Variants in PPIH observed in about 807,000 individuals in gnomAD.
The protein encoded by PPIH is peptidyl-prolyl cis-trans isomerase H.
In PPIH, 16 loss-of-function variants were observed where a neutral mutation model predicts 27.6. The ratio of observed to expected loss-of-function variants is 0.58; its 90% CI spans 0.39 to 0.88. The LOEUF (loss-of-function observed/expected upper bound fraction) is 0.88. Ranked by LOEUF, PPIH falls within the 40% of genes least tolerant of loss-of-function variation. The pLI is 0.00. For missense variants in PPIH, 155 were observed against 224.1 expected (o/e 0.69, Z 1.97); for synonymous variants, 63 against 76.1 (o/e 0.83, Z 0.90).
chr1:42,672,556 C>G (rs763841465), intron 9 of PPIH, among the ~76,000 whole-genome samples: 1 of 152,184 alleles, frequency 6.6e-6, no homozygotes, highest in African/African-American at 2.4e-5. Context: ...TTGATCAATT[C>G]TACCTCCCTA....
At chr1:42,674,355 G>T (rs1253817602) in intron 9 of PPIH, among the ~76,000 whole-genome samples, 2 of 152,256 alleles carry the variant, frequency 1.3e-5, no homozygotes, top group East Asian at 1.9e-4. Context: ...AGCAGGAAGT[G>T]TAGAGGAAGC....
At chr1:42,664,238 T>C (rs1374345614) in intron 5 of PPIH, among the ~76,000 whole-genome samples, 1 of 152,220 alleles carries the variant, frequency 6.6e-6, no homozygotes, top group Non-Finnish European at 1.5e-5. Context: ...TTGTGTTCTC[T>C]CTCTGTTCTC....
At chr1:42,677,417 A>G (rs972875401), downstream of PPIH, among the ~76,000 whole-genome samples, 2 of 152,226 alleles carry the variant, frequency 1.3e-5, no homozygotes, top group African/African-American at 4.8e-5. Flanking sequence ...GGTTGCAGTG[A>G]GCCGAGATCG....
chr1:42,658,477 C>T lies in PPIH; in HGVS notation c.31C>T (p.Pro11Ser). Residue 11 changes from proline (P) to serine (S), a missense_variant, in exon 1 of 10, where the codon CCC (proline) becomes TCC (serine). Around this residue, in one of 2 missense-constraint regions of PPIH, gnomAD observed 59 missense variants for 48.8 expected, o/e 1.21. Transcript: ENST00000304979. ...GGTGGCAAATTCAAGTCCTGTTAAC[C>T]CCGTGGTGTTCTTTGATGTCAGTAT... The part of the protein sequence containing the change: MAVANSSPVN[P>S]VVFFDVSIGG... 1 of 1,614,190 alleles carries T rather than the reference C, an allele frequency of 6.2e-7. No individual in the cohort carries two copies. Among genetic ancestry groups the T allele is most frequent in the South Asian group, 1.1e-5 (1 of 91,086 alleles).
In PPIH at chr1:42,667,245, T is replaced by C; in HGVS notation, c.466-106T>C. ...TGTCTGCCAGGACATGGACTGTTTCTGAGTGCTGAGTCCTTAGCACAGGGC... is the reference window on the plus strand; with the variant it reads ...TGTCTGCCAGGACATGGACTGTTTCCGAGTGCTGAGTCCTTAGCACAGGGC... On this transcript the variant is annotated intron_variant, in intron 8 of 9. Coordinates refer to ENST00000304979, the MANE Select transcript of PPIH (RefSeq NM_006347.4). 5.2e-6 allele frequency: 5 copies of C among 960,694 alleles called. No homozygotes were observed. In the South Asian group the frequency reaches 7.1e-5, roughly 14 times the overall value. The allele number at this position is 960,694 out of a possible 1,614,324, so 59.5% of individuals were successfully genotyped here. A position where few individuals can be genotyped will look rare whatever the true frequency, so the allele number is the denominator to read the frequency against.
intron 2 of PPIH, 58 bp from the exon 3 acceptor site, chr1:42,659,170 A>G: frequency 8.7e-6 from 14 of 1,607,566 alleles, no homozygotes; most frequent in Admixed American, 1.7e-5. Flanking sequence ...CCGTATTTAG[A>G]GGCGCTCACG....
At chr1:42,665,315 G>T (rs554727410) in intron 6 of PPIH, among the ~76,000 whole-genome samples, 1 of 152,228 alleles carries the variant, frequency 6.6e-6, no homozygotes, top group African/African-American at 2.4e-5. Flanking sequence ...TGAGGCAGGA[G>T]AATCGCTTGA....
chr1:42,669,440 T>G (rs1649515418), intron 9 of PPIH, among the ~76,000 whole-genome samples: 1 of 152,094 alleles, frequency 6.6e-6, no homozygotes, highest in African/African-American at 2.4e-5. Context: ...GGACTACAGG[T>G]GCATGCCACC....
intron 9 of PPIH, 148 bp downstream of exon 9, chr1:42,667,588 C>A: frequency 1.6e-6 from 1 of 613,284 alleles, no homozygotes; most frequent in Non-Finnish European, 2.9e-6. Context: ...CTTCTCTGAG[C>A]ACATTTCCTC....
downstream of PPIH, chr1:42,676,806 T>A (rs1649907224): frequency 6.6e-6 from 1 of 152,088 alleles, no homozygotes; most frequent in South Asian, 2.1e-4. Context: ...TGTTTTTAAA[T>A]AGTTGTAATA....
intron 8 of PPIH, 113 bp from the exon 9 acceptor site, chr1:42,667,238 C>A (rs746456429): frequency 2.5e-5 from 22 of 865,800 alleles, no homozygotes; most frequent in Non-Finnish European, 3.8e-5. Flanking sequence ...AGGACATGGA[C>A]TGTTTCTGAG....
At chr1:42,665,005 G>T in intron 6 of PPIH, 50 bp downstream of exon 6, 1 of 1,525,340 alleles carries the variant, frequency 6.6e-7, no homozygotes, top group Non-Finnish European at 9.1e-7. Flanking sequence ...TGGTTCCTGG[G>T]CCCCTCTTGA....
At chr1:42,675,511 T>C (rs1649836495) in intron 9 of PPIH, among the ~76,000 whole-genome samples, 1 of 152,244 alleles carries the variant, frequency 6.6e-6, no homozygotes, top group African/African-American at 2.4e-5. Flanking sequence ...ACTAACATAG[T>C]GCCTGGTATG....
intron 7 of PPIH, among the ~76,000 whole-genome samples, 155 bp from the exon 8 acceptor site, chr1:42,666,392 A>G (rs1230761788): frequency 6.6e-6 from 1 of 152,180 alleles, no homozygotes; most frequent in African/African-American, 2.4e-5. Context: ...TCTACTTATT[A>G]CCTATGACCT....
chr1:42,680,296 C>T (rs1388409586), downstream of PPIH, among the ~76,000 whole-genome samples: 1 of 152,154 alleles, frequency 6.6e-6, no homozygotes, highest in Non-Finnish European at 1.5e-5. Flanking sequence ...TTCTGTAGGG[C>T]CCTTGTAATA....
intron 9 of PPIH, among the ~76,000 whole-genome samples, chr1:42,674,923 A>G (rs1649809805): frequency 1.3e-5 from 2 of 152,232 alleles, no homozygotes; most frequent in Non-Finnish European, 2.9e-5. Context: ...TACAAAGGCA[A>G]AGCTGCTTGC....
intron 1 of PPIH, 70 bp from the exon 2 acceptor site, chr1:42,658,774 C>CA: frequency 6.5e-7 from 1 of 1,548,946 alleles, no homozygotes; most frequent in Non-Finnish European, 8.9e-7. Context: ...GTCAGCCCAT[C>CA]ATGCCCCCTG....
rs550229723 is a variant in PPIH, at chr1:42,666,183, GT to G, written c.424+117del. 176 of 975,616 alleles carry G rather than the reference GT, an allele frequency of 1.8e-4. 1 individual carries two copies. The East Asian group carries it at 4.2e-3, about 23-fold the overall frequency. 60.4% of individuals were successfully genotyped at this position (975,616 alleles called of 1,614,324 possible). A position where few individuals can be genotyped will look rare whatever the true frequency, so the allele number is the denominator to read the frequency against. Reference sequence around the variant, plus strand: ...CTCAACCTGTGTAACTGCTTAGGTGGTAATAGAGAAAACAGAAATGGTGGGG... The same window carrying G: ...CTCAACCTGTGTAACTGCTTAGGTGGAATAGAGAAAACAGAAATGGTGGGG... On this transcript the variant is annotated intron_variant, in intron 7 of 9. Coordinates refer to ENST00000304979, the MANE Select transcript of PPIH (RefSeq NM_006347.4).
intron 9 of PPIH, among the ~76,000 whole-genome samples, chr1:42,675,025 G>T (rs560052756): frequency 6.6e-6 from 1 of 152,326 alleles, no homozygotes; most frequent in Admixed American, 6.5e-5. Context: ...ATCTGGATGT[G>T]TTGGCAAGAT....
Sources: gnomAD v4.1 joint callset for allele counts (sites outside exome capture counted in the v4.1 genomes callset) on GRCh38, gnomAD v4.1.1 for gene constraint, gnomAD v4.1.1 regional missense constraint, MANE v1.5 for transcripts, NCBI Gene and HGNC (gene_info 2026-07-23, HGNC 2026-07-21) for gene names.